The following SPTB variants were observed in gnomAD, a reference collection of about 807,000 sequenced individuals.
SPTB encodes spectrin beta, erythrocytic.
Under a neutral mutation model 256.2 loss-of-function variants are expected in SPTB, and 45 were observed. That is an observed-to-expected ratio of 0.18 (90% CI 0.14 to 0.23). The LOEUF (loss-of-function observed/expected upper bound fraction) is 0.23. SPTB is among the 10% of genes least tolerant of loss of function. SPTB has a pLI of 1.00. For synonymous variants in SPTB, 1,231 were observed against 1,243.1 expected, an observed-to-expected ratio of 0.99 and a Z score of 0.21; for missense variants, 2,715 against 3,040.4, an observed-to-expected ratio of 0.89 and a Z score of 2.52.
rs889930826 is a variant in SPTB, at chr14:64,766,384, C to G, written c.6345+342G>C. 8.3e-6 allele frequency: 11 copies of G among 1,326,374 alleles called. No individual in the cohort carries two copies. The East Asian group carries it at 3.5e-4, about 42-fold the overall frequency. The allele number at this position is 1,326,374 out of a possible 1,614,324, so 82.2% of individuals were successfully genotyped here. Reference sequence around the variant, plus strand: ...GAAAAGGACGGTGTACAGAAATGCACTAATCATCTCTGGCTAGTGTTTCCC... The same window carrying G: ...GAAAAGGACGGTGTACAGAAATGCAGTAATCATCTCTGGCTAGTGTTTCCC... On this transcript the variant is annotated intron_variant, in intron 32 of 35. Coordinates refer to ENST00000644917, the MANE Select transcript of SPTB (RefSeq NM_001355436.2).
At chr14:64,846,811 T>C (rs2083700917) in intron 1 of SPTB, among the ~76,000 whole-genome samples, 1 of 152,216 alleles carries the variant, frequency 6.6e-6, no homozygotes, top group Non-Finnish European at 1.5e-5. Flanking sequence ...CTTCACATTC[T>C]TGGATGCTAA....
intron 19 of SPTB, among the ~76,000 whole-genome samples, chr14:64,782,841 G>T (rs1268607362): frequency 1.4e-5 from 2 of 147,762 alleles, no homozygotes; most frequent in Non-Finnish European, 3.0e-5. Flanking sequence ...AAAAGCCTGT[G>T]CATAATTTTC....
rs112923222 is a variant in SPTB at position 64,793,549 on chromosome 14, G to T, written c.2114C>A (p.Ala705Glu). 2 of 1,613,986 alleles carry T rather than the reference G, an allele frequency of 1.2e-6. No homozygotes were observed. The highest frequency in any genetic ancestry group is 1.7e-6 in the Non-Finnish European group (2 of 1,180,032). The change falls in exon 14 of 36, where the codon GCG (alanine) becomes GAG (glutamate). Residue 705 changes from alanine (A) to glutamate (E), a missense_variant. Ala to Glu is a moderately radical substitution (Grantham distance 107). Coordinates refer to ENST00000644917, the MANE Select transcript of SPTB (RefSeq NM_001355436.2). The surrounding 1 kb of genome is among the most constrained non-coding windows in gnomAD (Gnocchi z 7.0). ...CTGCGGGTGCCCAAACTGCTTGCGCGCAACCATGCCATGAGCCTCCTGGAA... is the reference window on the plus strand; with the variant it reads ...CTGCGGGTGCCCAAACTGCTTGCGCTCAACCATGCCATGAGCCTCCTGGAA... ...QIFQEAHGMVARKQFGHPQIE... is the reference protein window; with the variant it reads ...QIFQEAHGMVERKQFGHPQIE...
chr14:64,865,953 G>A (rs1456573307), intron 1 of SPTB, among the ~76,000 whole-genome samples: 4 of 152,286 alleles, frequency 2.6e-5, no homozygotes, highest in East Asian at 1.9e-4. Flanking sequence ...TCCAGAAAGC[G>A]GTTACAGAAT....
At position 64,786,085 on chromosome 14, in the gene SPTB, A is replaced by C; in HGVS notation, c.3562-134T>G. The C allele has an allele frequency of 3.2e-6, 3 of 935,260 alleles. No homozygotes were observed. The highest frequency in any genetic ancestry group is 5.1e-6 in the Non-Finnish European group (3 of 594,016). The allele number at this position is 935,260 out of a possible 1,614,324, so 57.9% of individuals were successfully genotyped here. ...AGCCCCCTAGAGTAGTACAGGGAGG[A>C]GGCACTACTCCCCAGGCCTTGCCCC... On this transcript the variant is annotated intron_variant, in intron 16 of 35. Transcript: ENST00000644917. This position sits in a 1 kb window ranked among gnomAD's most constrained non-coding sequence, Gnocchi z 5.6.
At chr14:64,754,130 G>T (rs565401723) in intron 32 of SPTB, 2 of 432,934 alleles carry the variant, frequency 4.6e-6, no homozygotes, top group East Asian at 4.8e-5. Context: ...GGGTGTGAGG[G>T]GGGGCAGGTT....
chr14:64,760,045 G>C lies in SPTB; in HGVS notation c.6346-6252C>G, dbSNP rs1405694824. 1.3e-5 allele frequency among the ~76,000 whole-genome samples: 2 copies of C among 152,180 alleles called. No individual in the cohort carries two copies. Among genetic ancestry groups the C allele is most frequent in the Non-Finnish European group, 2.9e-5 (2 of 68,026 alleles). On this transcript the variant is annotated intron_variant, in intron 32 of 35. Coordinates refer to ENST00000644917, the MANE Select transcript of SPTB (RefSeq NM_001355436.2). The surrounding 1 kb of genome is among the most constrained non-coding windows in gnomAD (Gnocchi z 4.3). ...AAGCAGCATTGGTTGCTGGTTGACA[G>C]GGATCAGTGGAGAAGAGGGCACAGC...
intron 33 of SPTB, chr14:64,752,177 T>A (rs755250473): frequency 3.0e-6 from 4 of 1,342,172 alleles, no homozygotes; most frequent in Non-Finnish European, 3.9e-6. Flanking sequence ...ATCAAACTGA[T>A]AACAGGTGGG....
chr14:64,772,692 T>C lies in SPTB; in HGVS notation c.5441A>G (p.Asp1814Gly), dbSNP rs1458297386. 1 of 1,613,772 alleles carries C rather than the reference T, an allele frequency of 6.2e-7. No homozygotes were observed. Among genetic ancestry groups the C allele is most frequent in the Admixed American group, 1.7e-5 (1 of 60,022 alleles). ...CTCGGGCAGCTCGCGGTGCTTCTCG[T>C]CGATGAGGCCCAGGATCTCGGCACC... Reference protein sequence around the residue: ...YTGAEILGLIDEKHRELPEDV... With the variant: ...YTGAEILGLIGEKHRELPEDV... The change falls in exon 26 of 36, where the codon GAC (aspartate) becomes GGC (glycine). Residue 1814 changes from aspartate (D) to glycine (G), a missense_variant. Around this residue, in one of 4 missense-constraint regions of SPTB, gnomAD observed 2,239 missense variants for 2,384.4 expected, o/e 0.94. Transcript: ENST00000644917. The surrounding 1 kb of genome is among the most constrained non-coding windows in gnomAD (Gnocchi z 5.4).
intron 1 of SPTB, among the ~76,000 whole-genome samples, chr14:64,871,083 T>A (rs1882503692): frequency 6.6e-6 from 1 of 152,248 alleles, no homozygotes; most frequent in South Asian, 2.1e-4. Context: ...GTAAAATTTA[T>A]GTCACATATA....
At chr14:64,762,409 G>A (rs1034421781) in intron 32 of SPTB, among the ~76,000 whole-genome samples, 3 of 152,230 alleles carry the variant, frequency 2.0e-5, no homozygotes, top group Admixed American at 1.3e-4. Context: ...GCTCCTGGCT[G>A]CCTGCCAGGG....
chr14:64,767,102 A>T (rs1216051862), intron 31 of SPTB, among the ~76,000 whole-genome samples: 1 of 152,114 alleles, frequency 6.6e-6, no homozygotes, highest in East Asian at 1.9e-4. Flanking sequence ...CTCCTCCCGC[A>T]CCAGGCCTTC....
At chr14:64,753,890 A>G (rs2081986645) in intron 32 of SPTB, 97 bp from the exon 33 acceptor site, 3 of 1,515,498 alleles carry the variant, frequency 2.0e-6, no homozygotes, top group Admixed American at 1.8e-5. Context: ...CACCCTCTCC[A>G]CACCCCCAAG....
Position 64,796,115 on chromosome 14 carries a change from T to C in SPTB, c.1341+442A>G, listed in dbSNP as rs530019695. ...ACAGAATCTAATTTGATTCCAAGCT[T>C]TAAGTGAGAGGGAACAGATGCTCTG... is the stretch of plus-strand genomic sequence containing the variant. On this transcript the variant is annotated intron_variant, in intron 11 of 35. Transcript: ENST00000644917. This position sits in a 1 kb window ranked among gnomAD's most constrained non-coding sequence, Gnocchi z 4.1. Among the ~76,000 whole-genome samples the C allele has an allele frequency of 6.6e-6, 1 of 152,158 alleles. No homozygotes were observed. Among genetic ancestry groups the C allele is most frequent in the Non-Finnish European group, 1.5e-5 (1 of 68,034 alleles).
At position 64,774,670 on chromosome 14, in the gene SPTB, C is replaced by T. The variant is rs571234030; in HGVS notation, c.4843-143G>A. 6.5e-5 allele frequency: 80 copies of T among 1,235,612 alleles called. No homozygotes were observed. The East Asian group carries it at 1.8e-3, about 28-fold the overall frequency. 76.5% of individuals were successfully genotyped at this position (1,235,612 alleles called of 1,614,324 possible). ...ACCCGCAGGAGAGCCACACATGCTT[C>T]CTTCCTGCCCTTCTGATTTCCCAGC... On this transcript the variant is annotated intron_variant, in intron 23 of 35. Transcript: ENST00000644917.
intron 1 of SPTB, among the ~76,000 whole-genome samples, chr14:64,875,482 G>A (rs912820425): frequency 6.6e-6 from 1 of 152,052 alleles, no homozygotes; most frequent in African/African-American, 2.4e-5. Flanking sequence ...TAATTCTCCT[G>A]ACTGCCTCCT....
intron 9 of SPTB, among the ~76,000 whole-genome samples, chr14:64,799,105 TTGTGTGTG>T (rs3831896): frequency 4.6e-5 from 7 of 152,158 alleles, no homozygotes; most frequent in African/African-American, 1.7e-4. Context: ...GAGTGCACGG[TTGTGTGTG>T]TATGTTTGTG....
Position 64,749,633 on chromosome 14 carries a change from G to C in SPTB, c.6819+21C>G, listed in dbSNP as rs751150261. On this transcript the variant is annotated intron_variant, in intron 35 of 35. Transcript: ENST00000644917. The surrounding 1 kb of genome is among the most constrained non-coding windows in gnomAD (Gnocchi z 4.7). ...CCTACCCCCTTCTTAGCCAGGTCTG[G>C]GCTAGGCTGCCCGCGCTTACCTCAT... is the stretch of plus-strand genomic sequence containing the variant. 2 of 1,613,300 alleles carry C rather than the reference G, an allele frequency of 1.2e-6. No individual in the cohort carries two copies. The highest frequency in any genetic ancestry group is 1.7e-6 in the Non-Finnish European group (2 of 1,179,942).
At chr14:64,862,736 G>A (rs1206883342) in intron 1 of SPTB, among the ~76,000 whole-genome samples, 5 of 151,932 alleles carry the variant, frequency 3.3e-5, no homozygotes, top group South Asian at 2.1e-4. Context: ...TTAGCTGGGC[G>A]TGGTGTTGGG....
Sources: gnomAD v4.1 joint callset for allele counts (sites outside exome capture counted in the v4.1 genomes callset) on GRCh38, gnomAD v4.1.1 for gene constraint, gnomAD v4.1.1 regional missense constraint, Gnocchi (gnomAD v3.1) non-coding constraint, MANE v1.5 for transcripts, NCBI Gene and HGNC (gene_info 2026-07-23, HGNC 2026-07-21) for gene names.